The following RBPJ variants were observed in gnomAD, a reference collection of about 807,000 sequenced individuals.
RBPJ encodes recombining binding protein suppressor of hairless.
Under a neutral mutation model 67.8 loss-of-function variants are expected in RBPJ, and 9 were observed. That is an observed-to-expected ratio of 0.13 (90% CI 0.08 to 0.23). The LOEUF (loss-of-function observed/expected upper bound fraction) is 0.23, where lower values mean the gene tolerates loss of function less well. RBPJ is among the 10% of genes least tolerant of loss of function. RBPJ has a pLI of 1.00. For synonymous variants in RBPJ, 198 were observed against 203.3 expected (o/e 0.97, Z 0.22); for missense variants, 305 against 595.6 (o/e 0.51, Z 5.08).
intron 1 of RBPJ, among the ~76,000 whole-genome samples, chr4:26,184,041 G>A (rs2109131901): frequency 6.6e-6 from 1 of 151,704 alleles, no homozygotes; most frequent in South Asian, 2.1e-4. Context: ...AATTAGCCAG[G>A]CATGGTGGTG....
At chr4:26,371,642 C>T (rs1729172511) in intron 1 of RBPJ, among the ~76,000 whole-genome samples, 1 of 152,078 alleles carries the variant, frequency 6.6e-6, no homozygotes, top group Non-Finnish European at 1.5e-5. Context: ...GCTGTTAACA[C>T]AGATTTCCCT....
At position 26,206,970 on chromosome 4, in the gene RBPJ, G is replaced by A. The variant is rs145496579; in HGVS notation, c.-167+43356G>A. Among the ~76,000 whole-genome samples, 132 of 152,120 alleles carry A rather than the reference G, an allele frequency of 8.7e-4. 1 individual carries two copies. Among genetic ancestry groups the A allele is most frequent in the African/African-American group, 3.1e-3 (130 of 41,492 alleles). On this transcript the variant is annotated intron_variant, in intron 1 of 4. Transcript: ENST00000512351. The stretch of plus-strand genomic sequence containing the variant: ...AACTCCAGTTGCACAGGTAACTAAG[G>A]TCTGCTTTTCTGCTCCAGGGCTGCC...
In RBPJ at chr4:26,342,867, A is replaced by T. The variant is rs1577479302; in HGVS notation, c.20+21819A>T. On this transcript the variant is annotated intron_variant, in intron 1 of 10. Transcript: ENST00000355476. The stretch of plus-strand genomic sequence containing the variant: ...GGAAAATGGTTCTAGCATTATATAA[A>T]TGACAGGTATTGCTATTAGCAATGA... Among the ~76,000 whole-genome samples the T allele has an allele frequency of 2.0e-5, 3 of 152,324 alleles. No individual in the cohort carries two copies. In the East Asian group the frequency reaches 5.8e-4, roughly 29 times the overall value.
chr4:26,198,117 G>A (rs1157245307), intron 1 of RBPJ, among the ~76,000 whole-genome samples: 4 of 152,046 alleles, frequency 2.6e-5, no homozygotes, highest in African/African-American at 9.7e-5. Context: ...AGCCGGGCGT[G>A]GTGGTACATG....
intron 1 of RBPJ, among the ~76,000 whole-genome samples, chr4:26,312,367 G>A (rs983188069): frequency 1.3e-5 from 2 of 152,056 alleles, no homozygotes; most frequent in African/African-American, 4.8e-5. Flanking sequence ...TCCTGACCTC[G>A]TGATCCGCCT....
chr4:26,297,603 A>G (rs1435171805), intron 1 of RBPJ, among the ~76,000 whole-genome samples: 1 of 152,192 alleles, frequency 6.6e-6, no homozygotes, highest in Non-Finnish European at 1.5e-5. Context: ...GAGACAGAGC[A>G]TAAAACAGCT....
intron 1 of RBPJ, among the ~76,000 whole-genome samples, chr4:26,168,421 A>G (rs1049274327): frequency 6.6e-6 from 1 of 152,176 alleles, no homozygotes; most frequent in Admixed American, 6.5e-5. Context: ...TCTGGCTTGT[A>G]GAGTTTCTGC....
chr4:26,323,715 C>T (rs1723329705), intron 1 of RBPJ, among the ~76,000 whole-genome samples: 1 of 152,038 alleles, frequency 6.6e-6, no homozygotes, highest in Non-Finnish European at 1.5e-5. Context: ...AGATTTCTAT[C>T]AATGTTTTTT....
intron 1 of RBPJ, among the ~76,000 whole-genome samples, chr4:26,294,351 C>A (rs1721788942): frequency 6.6e-6 from 1 of 152,132 alleles, no homozygotes; most frequent in South Asian, 2.1e-4. Context: ...CCCGCCTTGG[C>A]CTCCCAAAGT....
upstream of RBPJ, among the ~76,000 whole-genome samples, chr4:26,160,608 G>T (rs190339787): frequency 6.6e-6 from 1 of 152,274 alleles, no homozygotes; most frequent in East Asian, 1.9e-4. Flanking sequence ...ACATGTCCAC[G>T]GCGTGGTAGG....
chr4:26,351,440 G>A (rs189673151), intron 1 of RBPJ, among the ~76,000 whole-genome samples: 22 of 152,108 alleles, frequency 1.4e-4, no homozygotes, highest in African/African-American at 5.1e-4. Context: ...TTGCCCTGTC[G>A]CCCAGGCTCA....
chr4:26,419,530 C>T lies in RBPJ; in HGVS notation c.322-1021C>T, dbSNP rs139780160. Among the ~76,000 whole-genome samples, 22 of 152,208 alleles carry T rather than the reference C, an allele frequency of 1.4e-4. No homozygotes were observed. The South Asian group carries it at 4.4e-3, about 30-fold the overall frequency. ...AAAACCTAGAAGTCATTAACTGTTT[C>T]CTGAGTAGCATTTGCTCTGCTTTTT... On this transcript the variant is annotated intron_variant, in intron 4 of 10. Coordinates refer to ENST00000355476, the MANE Select transcript of RBPJ (RefSeq NM_015874.6).
chr4:26,387,706 C>T (rs974171083), intron 2 of RBPJ, among the ~76,000 whole-genome samples: 8 of 152,036 alleles, frequency 5.3e-5, no homozygotes, highest in African/African-American at 1.2e-4. Flanking sequence ...GATCAGCATG[C>T]GTGTGTAAGA....
At chr4:26,244,197 G>A (rs1232463974) in intron 1 of RBPJ, among the ~76,000 whole-genome samples, 8 of 141,664 alleles carry the variant, frequency 5.6e-5, no homozygotes, top group Non-Finnish European at 6.2e-5. Flanking sequence ...ACATATATGT[G>A]TCTATATATG....
chr4:26,185,181 T>C (rs1717196139), intron 1 of RBPJ, among the ~76,000 whole-genome samples: 1 of 117,866 alleles, frequency 8.5e-6, no homozygotes, highest in Non-Finnish European at 1.7e-5. Context: ...TTGTTTTGCA[T>C]CAAGGAGGGA....
chr4:26,172,636 T>C (rs1716637435), intron 1 of RBPJ, among the ~76,000 whole-genome samples: 1 of 152,218 alleles, frequency 6.6e-6, no homozygotes, highest in South Asian at 2.1e-4. Flanking sequence ...GTCACTCTCC[T>C]TTATAATAAT....
At chr4:26,364,598 C>CTT (rs10939108) in intron 1 of RBPJ, among the ~76,000 whole-genome samples, 1 of 125,412 alleles carries the variant, frequency 8.0e-6, no homozygotes, top group Admixed American at 8.3e-5. Context: ...ATTTGGAAGA[C>CTT]TTTTTTTTTT....
intron 1 of RBPJ, among the ~76,000 whole-genome samples, chr4:26,357,073 C>A (rs1727459926): frequency 1.3e-5 from 2 of 152,022 alleles, no homozygotes; most frequent in African/African-American, 4.8e-5. Context: ...TGAAGGTGAG[C>A]CCAAAAGGGT....
chr4:26,431,570 C>T lies in RBPJ; in HGVS notation c.*563C>T, dbSNP rs1217532852. ...CCATCCTTGTTTAATCTATCATACT[C>T]TTCCAGGTTTTTTTTTTTTGGTCTA... On this transcript the variant is annotated 3_prime_UTR_variant, in exon 11 of 11. Coordinates refer to ENST00000355476, the MANE Select transcript of RBPJ (RefSeq NM_015874.6). 2 of 151,758 alleles carry T rather than the reference C, an allele frequency of 1.3e-5. No homozygotes were observed. The highest frequency in any genetic ancestry group is 2.4e-5 in the African/African-American group (1 of 41,300). 9.4% of individuals were successfully genotyped at this position (151,758 alleles called of 1,614,324 possible).
Sources: gnomAD v4.1 joint callset for allele counts (sites outside exome capture counted in the v4.1 genomes callset) on GRCh38, gnomAD v4.1.1 for gene constraint, MANE v1.5 for transcripts, NCBI Gene and HGNC (gene_info 2026-07-23, HGNC 2026-07-21) for gene names.